AEN: variants seen among roughly 807,000 people sequenced by gnomAD.
The protein encoded by AEN is apoptosis enhancing nuclease, also known as apoptosis-enhancing nuclease.
AEN carries 21 observed loss-of-function variants against 17.7 expected under a neutral mutation model. That is an observed-to-expected ratio of 1.19 (90% CI 0.84 to 1.71). The LOEUF is 1.71. AEN is among the 40% of genes most tolerant of loss of function. The probability of loss-of-function intolerance (pLI) is 0.00; values close to 1 mark genes in which losing one functional copy is unlikely to be tolerated. For missense variants in AEN, 462 were observed against 435.9 expected (o/e 1.06, Z -0.53); for synonymous variants, 190 against 173.0 (o/e 1.10, Z -0.77).
chr15:88,619,919 C>T (rs986394118), upstream of AEN, among the ~76,000 whole-genome samples: 1 of 152,158 alleles, frequency 6.6e-6, no homozygotes, highest in Non-Finnish European at 1.5e-5. Flanking sequence ...CAAACACTCC[C>T]CCACTCCTTT....
intron 2 of AEN, 60 bp from the exon 3 acceptor site, chr15:88,629,166 G>A: frequency 6.4e-7 from 1 of 1,559,712 alleles, no homozygotes; most frequent in African/African-American, 1.4e-5. Context: ...CTCAGGGCGT[G>A]TCTCCTGCCA....
chr15:88,606,215 C>G, the AEN span, among the ~76,000 whole-genome samples: 1 of 152,156 alleles, frequency 6.6e-6, no homozygotes, highest in South Asian at 2.1e-4. Context: ...TGCTCCCTCT[C>G]GCTCTCTCCC....
Position 88,630,374 on chromosome 15 carries a change from C to T in AEN, c.*80C>T. Reference sequence around the variant, plus strand: ...GCCAGGAGAGCAGCGGGCACTCCTTCCTGGGCAGGGTGGGGCAGGATGCAG... The same window carrying T: ...GCCAGGAGAGCAGCGGGCACTCCTTTCTGGGCAGGGTGGGGCAGGATGCAG... On this transcript the variant is annotated 3_prime_UTR_variant, in exon 4 of 4. Transcript: ENST00000332810. The surrounding 1 kb of genome is among the most constrained non-coding windows in gnomAD (Gnocchi z 5.1). The T allele has an allele frequency of 7.2e-7, 1 of 1,381,540 alleles. No homozygotes were observed. The highest frequency in any genetic ancestry group is 1.0e-6 in the Non-Finnish European group (1 of 1,003,092). The allele number at this position is 1,381,540 out of a possible 1,614,324, so 85.6% of individuals were successfully genotyped here. A position where few individuals can be genotyped will look rare whatever the true frequency, so the allele number is the denominator to read the frequency against.
chr15:88,628,301 A>G (rs1285331107), intron 2 of AEN: 1 of 152,322 alleles, frequency 6.6e-6, no homozygotes. Flanking sequence ...TCCATCTGCC[A>G]TGAAAGCTGG....
chr15:88,631,497 C>T lies in AEN; in HGVS notation c.*1203C>T, dbSNP rs1269212481. On this transcript the variant is annotated 3_prime_UTR_variant, in exon 4 of 4. Transcript: ENST00000332810. ...GCTTAGCTTTGAGATACTAAGCAAG[C>T]GAGGGACTTCACTCTTGAGGCTGTT... The T allele has an allele frequency of 9.3e-6, 2 of 215,548 alleles. No homozygotes were observed. Among genetic ancestry groups the T allele is most frequent in the Admixed American group, 4.9e-5 (1 of 20,304 alleles). The allele number at this position is 215,548 out of a possible 1,614,324, so 13.4% of individuals were successfully genotyped here. A position where few individuals can be genotyped will look rare whatever the true frequency, so the allele number is the denominator to read the frequency against.
At chr15:88,614,709 G>A in the AEN span, among the ~76,000 whole-genome samples, 18 of 152,064 alleles carry the variant, frequency 1.2e-4, no homozygotes, top group African/African-American at 4.3e-4. Context: ...GTCCTCTGCT[G>A]GAAGCTTTAG....
At chr15:88,611,823 G>A in the AEN span, 15 of 515,840 alleles carry the variant, frequency 2.9e-5, no homozygotes, top group South Asian at 2.0e-4. Context: ...TGCAGAACTG[G>A]CCTGGATACA....
Position 88,626,514 on chromosome 15 carries a change from C to G in AEN, c.305C>G (p.Ala102Gly). ...PCSRRPAPGK[A>G]SGPLPSKCVA... ...AGCAGAAGGCCTGCTCCCGGGAAAG[C>G]CTCAGGGCCCTTGCCCAGCAAGTGT... Residue 102 changes from alanine to glycine, a missense_variant, in exon 2 of 4, where the codon GCC (alanine) becomes GGC (glycine). Transcript: ENST00000332810. The G allele has an allele frequency of 6.2e-7, 1 of 1,614,194 alleles. No homozygotes were observed. The highest frequency in any genetic ancestry group is 8.5e-7 in the Non-Finnish European group (1 of 1,180,050).
rs767717044 is a variant in AEN, at chr15:88,626,362, G to C, written c.153G>C (p.Gly51=). Residue 51 remains glycine, a synonymous_variant, in exon 2 of 4, where the codon GGG becomes GGC. Coordinates refer to ENST00000332810, the MANE Select transcript of AEN (RefSeq NM_022767.4). Reference sequence around the variant, plus strand: ...GGAAGGCCTTGCTGCAGGAGCAGGGGCTGCTGAGCATGCCTCCAGAACCAG... The same window carrying C: ...GGAAGGCCTTGCTGCAGGAGCAGGGCCTGCTGAGCATGCCTCCAGAACCAG... The part of the protein sequence containing the change: ...MARKALLQEQ[G]LLSMPPEPGS... 6.2e-7 allele frequency: 1 copy of C among 1,613,090 alleles called. No individual in the cohort carries two copies. The highest frequency in any genetic ancestry group is 1.3e-5 in the African/African-American group (1 of 75,058).
At chr15:88,628,094 C>T (rs1479270921) in intron 2 of AEN, 2 of 152,166 alleles carry the variant, frequency 1.3e-5, no homozygotes, top group African/African-American at 4.8e-5. Context: ...GGTGAACCCT[C>T]CAGCTCCTTG....
At chr15:88,615,233 A>G in the AEN span, among the ~76,000 whole-genome samples, 1 of 152,078 alleles carries the variant, frequency 6.6e-6, no homozygotes, top group South Asian at 2.1e-4. Context: ...GATTAATTTT[A>G]TATGTGAGGG....
At chr15:88,615,456 G>C in the AEN span, among the ~76,000 whole-genome samples, 87 of 152,238 alleles carry the variant, frequency 5.7e-4, no homozygotes, top group African/African-American at 1.8e-3. Flanking sequence ...GCTGCTGCTG[G>C]ATCAAGAGAG....
intron 2 of AEN, chr15:88,628,460 A>G (rs1162756977): frequency 3.9e-5 from 6 of 152,378 alleles, no homozygotes; most frequent in Non-Finnish European, 8.8e-5. Flanking sequence ...GAGGAGGGCC[A>G]CCCAGCAGGG....
In AEN at chr15:88,626,716, C is replaced by T; in HGVS notation, c.507C>T (p.Arg169=). 1 of 1,611,946 alleles carries T rather than the reference C, an allele frequency of 6.2e-7. No homozygotes were observed. The highest frequency in any genetic ancestry group is 8.5e-7 in the Non-Finnish European group (1 of 1,179,996). ...GTGGCATCACTCGGCAGCACATGCG[C>T]AAGGCTGTCCCCTTCCAGGTGGCCC... ...RWSGITRQHM[R]KAVPFQVAQK... is the part of the protein sequence containing the mutation. Residue 169 remains arginine (R), a synonymous_variant, in exon 2 of 4, where the codon CGC becomes CGT. Transcript: ENST00000332810.
the AEN span, among the ~76,000 whole-genome samples, chr15:88,606,001 G>A: frequency 6.6e-6 from 1 of 152,238 alleles, no homozygotes; most frequent in African/African-American, 2.4e-5. Context: ...AGGGATTTAG[G>A]TGTGGGATTC....
the AEN span, among the ~76,000 whole-genome samples, chr15:88,611,292 G>A: frequency 1.3e-5 from 2 of 151,882 alleles, no homozygotes; most frequent in African/African-American, 4.8e-5. Flanking sequence ...TAATTCCCCT[G>A]TTTGTAAAGG....
upstream of AEN, among the ~76,000 whole-genome samples, chr15:88,618,907 A>G (rs929108299): frequency 7.2e-5 from 11 of 152,178 alleles, no homozygotes; most frequent in African/African-American, 2.7e-4. Flanking sequence ...CCTGGACTCA[A>G]GGGATCCTCC....
chr15:88,632,138 T>A lies in AEN; in HGVS notation c.*1844T>A, dbSNP rs2057936999. 6.6e-6 allele frequency: 1 copy of A among 152,218 alleles called. No homozygotes were observed. Among genetic ancestry groups the A allele is most frequent in the Non-Finnish European group, 1.5e-5 (1 of 68,048 alleles). 9.4% of individuals were successfully genotyped at this position (152,218 alleles called of 1,614,324 possible). A position where few individuals can be genotyped will look rare whatever the true frequency, so the allele number is the denominator to read the frequency against. On this transcript the variant is annotated 3_prime_UTR_variant, in exon 4 of 4. Transcript: ENST00000332810. ...ATTCCTTAAAAGTCGGTAGCTGATGTCAAACTCAATTGAGCAGTAGCTTTG... is the reference window on the plus strand; with the variant it reads ...ATTCCTTAAAAGTCGGTAGCTGATGACAAACTCAATTGAGCAGTAGCTTTG...
the AEN span, chr15:88,605,064 G>A: frequency 2.6e-5 from 4 of 152,382 alleles, no homozygotes; most frequent in Non-Finnish European, 5.9e-5. This position sits in a 1 kb window ranked among gnomAD's most constrained non-coding sequence, Gnocchi z 7.6. Flanking sequence ...AGGCTGCTCT[G>A]GAGGGCCGGA....
Sources: gnomAD v4.1 joint callset for allele counts (sites outside exome capture counted in the v4.1 genomes callset) on GRCh38, gnomAD v4.1.1 for gene constraint, Gnocchi (gnomAD v3.1) non-coding constraint, MANE v1.5 for transcripts, NCBI Gene and HGNC (gene_info 2026-07-23, HGNC 2026-07-21) for gene names.